The following PROX1 variants were observed in gnomAD, a reference collection of about 807,000 sequenced individuals.
PROX1 encodes the protein prospero homeobox protein 1.
A neutral mutation model predicts 58.8 loss-of-function variants in PROX1; 7 were observed. The ratio of observed to expected loss-of-function variants is 0.12; its 90% CI spans 0.07 to 0.22. PROX1 has a LOEUF of 0.22. Among genes scored for constraint, PROX1 ranks in the 10% least tolerant of loss-of-function variants. The pLI, the probability that PROX1 is intolerant of heterozygous loss-of-function variation, is 1.00. For missense variants in PROX1, 675 were observed against 927.8 expected (o/e 0.73, Z 3.54); for synonymous variants, 350 against 358.3 (o/e 0.98, Z 0.26).
At chr1:213,989,180 C>G (rs1662926656) in intron 1 of PROX1, among the ~76,000 whole-genome samples, 1 of 151,928 alleles carries the variant, frequency 6.6e-6, no homozygotes, top group Non-Finnish European at 1.5e-5. Context: ...CTGTTACTTT[C>G]GTCTCAAAAC....
In PROX1 at chr1:214,037,036, A is replaced by G. The variant is rs1386835158; in HGVS notation, c.*1202A>G. ...AGAAGCTAGTATTGACCAAAATGTG[A>G]GAAGAGTGTATAGCATAGGAAAATT... On this transcript the variant is annotated 3_prime_UTR_variant, in exon 5 of 5. Transcript: ENST00000366958. 1 of 152,270 alleles carries G rather than the reference A, an allele frequency of 6.6e-6. No individual in the cohort carries two copies. Among genetic ancestry groups the G allele is most frequent in the Non-Finnish European group, 1.5e-5 (1 of 68,044 alleles). 9.4% of individuals were successfully genotyped at this position (152,270 alleles called of 1,614,324 possible). A position where few individuals can be genotyped will look rare whatever the true frequency, so the allele number is the denominator to read the frequency against.
intron 4 of PROX1, chr1:214,029,031 C>G (rs956315680): frequency 1.3e-5 from 2 of 152,222 alleles, no homozygotes; most frequent in African/African-American, 4.8e-5. Context: ...TAAGTCCACT[C>G]TGTCTGCAGT....
chr1:214,030,555 G>C (rs1286695114), intron 4 of PROX1: 2 of 152,328 alleles, frequency 1.3e-5, no homozygotes, highest in African/African-American at 2.4e-5. Context: ...GATTGAGGAG[G>C]GAGGAGTGTC....
intron 1 of PROX1, among the ~76,000 whole-genome samples, chr1:213,995,679 T>G (rs1663237441): frequency 6.6e-6 from 1 of 152,176 alleles, no homozygotes; most frequent in African/African-American, 2.4e-5. Context: ...TGAATCCAAC[T>G]TTGTAATAAT....
chr1:214,010,966 AC>A (rs1663887377), intron 3 of PROX1, among the ~76,000 whole-genome samples: 3 of 152,168 alleles, frequency 2.0e-5, no homozygotes. Context: ...AGTTGGATGG[AC>A]ATGGGAATCA....
intron 1 of PROX1, among the ~76,000 whole-genome samples, chr1:213,990,058 G>A (rs1038919369): frequency 6.6e-6 from 1 of 150,440 alleles, no homozygotes; most frequent in African/African-American, 2.4e-5. Context: ...GGAAGCACAG[G>A]GTGGCCTCCT....
chr1:214,026,878 T>G (rs575692926), intron 4 of PROX1, among the ~76,000 whole-genome samples: 1 of 152,240 alleles, frequency 6.6e-6, no homozygotes, highest in South Asian at 2.1e-4. Flanking sequence ...CCCTGTCAAT[T>G]CAAGGTAGAT....
chr1:214,015,531 T>C (rs973551276), intron 4 of PROX1, among the ~76,000 whole-genome samples: 1 of 152,098 alleles, frequency 6.6e-6, no homozygotes, highest in African/African-American at 2.4e-5. Flanking sequence ...ATCGCTTTTG[T>C]TGTTTTCCTC....
rs76472075 is a variant in PROX1 at position 214,000,944 on chromosome 1, T to A, written c.1725+2684T>A. 1.5e-3 allele frequency among the ~76,000 whole-genome samples: 231 copies of A among 152,300 alleles called. 1 individual carries two copies. Among genetic ancestry groups the A allele is most frequent in the African/African-American group, 5.2e-3 (216 of 41,560 alleles). ...GGATACGGGGCCATATATGATCCGG[T>A]TGTACAGTTATTCCTCGAAAAGATC... On this transcript the variant is annotated intron_variant, in intron 2 of 4. Coordinates refer to ENST00000366958, the MANE Select transcript of PROX1 (RefSeq NM_001270616.2).
intron 4 of PROX1, among the ~76,000 whole-genome samples, 179 bp downstream of exon 4, chr1:214,011,894 T>A (rs1663922466): frequency 6.6e-6 from 1 of 152,186 alleles, no homozygotes; most frequent in Non-Finnish European, 1.5e-5. Context: ...ATCATGAGGC[T>A]CTGACCCACT....
chr1:214,027,663 T>C (rs1017904588), intron 4 of PROX1, among the ~76,000 whole-genome samples: 1 of 152,184 alleles, frequency 6.6e-6, no homozygotes, highest in African/African-American at 2.4e-5. Flanking sequence ...CAAACCCTGG[T>C]TGCAACACGT....
intron 4 of PROX1, among the ~76,000 whole-genome samples, chr1:214,033,094 G>C (rs1664714418): frequency 6.6e-6 from 1 of 151,994 alleles, no homozygotes; most frequent in Non-Finnish European, 1.5e-5. Flanking sequence ...CCCTGTCCCT[G>C]GTTCCCCAGA....
intron 3 of PROX1, among the ~76,000 whole-genome samples, 178 bp downstream of exon 3, chr1:214,005,450 T>C (rs527571314): frequency 1.1e-4 from 17 of 152,318 alleles, no homozygotes; most frequent in African/African-American, 4.1e-4. Flanking sequence ...GCCACTTGTG[T>C]ATTAAGATTG....
At chr1:214,013,149 G>A (rs897425645) in intron 4 of PROX1, among the ~76,000 whole-genome samples, 3 of 151,916 alleles carry the variant, frequency 2.0e-5, no homozygotes, top group African/African-American at 7.3e-5. Context: ...GTGTGTGTGT[G>A]TGTGTGTGTG....
intron 4 of PROX1, among the ~76,000 whole-genome samples, chr1:214,025,404 A>G (rs1042614233): frequency 1.3e-5 from 2 of 152,250 alleles, no homozygotes; most frequent in Non-Finnish European, 2.9e-5. Context: ...GGGCTGGCAA[A>G]GTATGGCCTA....
chr1:213,998,292 C>A (rs1240325130), intron 2 of PROX1, 32 bp downstream of exon 2: 12 of 1,513,622 alleles, frequency 7.9e-6, no homozygotes, highest in Admixed American at 6.7e-5. Flanking sequence ...GAGGAAAAAA[C>A]AAACCAAAAA....
Position 213,998,109 on chromosome 1 carries a change from G to A in PROX1, c.1574G>A (p.Arg525Lys). The change falls in exon 2 of 5, where the codon AGG (arginine) becomes AAG (lysine). Residue 525 changes from arginine (R) to lysine (K), a missense_variant. Coordinates refer to ENST00000366958, the MANE Select transcript of PROX1 (RefSeq NM_001270616.2). ...LDLTRDTTSLRTKMSSHHLSH... is the reference protein window; with the variant it reads ...LDLTRDTTSLKTKMSSHHLSH... ...TTAACTAGGGATACCACGAGTCTGA[G>A]GACCAAGATGTCATCTCACCACCTG... 1 of 1,614,186 alleles carries A rather than the reference G, an allele frequency of 6.2e-7. No individual in the cohort carries two copies. Among genetic ancestry groups the A allele is most frequent in the Non-Finnish European group, 8.5e-7 (1 of 1,180,020 alleles).
At chr1:213,984,785 G>T, upstream of PROX1, 1 of 153,544 alleles carries the variant, frequency 6.5e-6, no homozygotes, top group South Asian at 2.1e-4. Context: ...GAAGTCCTTA[G>T]GCACCCTTTT....
chr1:213,985,593 T>G (rs887946407), upstream of PROX1: 1 of 152,160 alleles, frequency 6.6e-6, no homozygotes, highest in African/African-American at 2.4e-5. Context: ...GTGGGAGAGC[T>G]TCCTTGTTCG....
Sources: gnomAD v4.1 joint callset for allele counts (sites outside exome capture counted in the v4.1 genomes callset) on GRCh38, gnomAD v4.1.1 for gene constraint, MANE v1.5 for transcripts, NCBI Gene and HGNC (gene_info 2026-07-23, HGNC 2026-07-21) for gene names.